The following SUCLG2 variants were observed in gnomAD, a reference collection of about 807,000 sequenced individuals.
The protein encoded by SUCLG2 is succinate-CoA ligase GDP-forming subunit beta.
In SUCLG2, 42 loss-of-function variants were observed where a neutral mutation model predicts 47.9. The observed-to-expected ratio is 0.88, with a 90% CI of 0.69 to 1.14. The LOEUF is 1.14. SUCLG2 is among the 50% of genes most tolerant of loss of function. The pLI is 0.00. For missense variants in SUCLG2, 571 were observed against 525.9 expected, an observed-to-expected ratio of 1.09 and a Z score of -0.84; for synonymous variants, 195 against 197.3, an observed-to-expected ratio of 0.99 and a Z score of 0.10.
chr3:67,532,791 C>A (rs1040353777), intron 2 of SUCLG2, among the ~76,000 whole-genome samples: 1 of 152,102 alleles, frequency 6.6e-6, no homozygotes, highest in Non-Finnish European at 1.5e-5. Flanking sequence ...CTAAGCAAAA[C>A]CTTACTCTGT....
intron 10 of SUCLG2, among the ~76,000 whole-genome samples, chr3:67,363,544 T>A (rs1309016672): frequency 6.6e-6 from 1 of 152,088 alleles, no homozygotes; most frequent in African/African-American, 2.4e-5. Context: ...CATAGTGCAA[T>A]CTTAAATAAT....
chr3:67,565,031 G>A (rs1480800984), intron 2 of SUCLG2, among the ~76,000 whole-genome samples: 1 of 150,756 alleles, frequency 6.6e-6, no homozygotes, highest in South Asian at 2.1e-4. Flanking sequence ...TGTAGCATTT[G>A]AAATTAAAGT....
At chr3:67,365,005 C>T (rs1448017711) in intron 10 of SUCLG2, among the ~76,000 whole-genome samples, 1 of 152,042 alleles carries the variant, frequency 6.6e-6, no homozygotes, top group Non-Finnish European at 1.5e-5. Flanking sequence ...AAAAATACAG[C>T]AACCAAAATA....
At chr3:67,389,533 G>A (rs1015386044) in intron 10 of SUCLG2, among the ~76,000 whole-genome samples, 1 of 152,120 alleles carries the variant, frequency 6.6e-6, no homozygotes, top group Non-Finnish European at 1.5e-5. Flanking sequence ...TACTTCCAGT[G>A]GAGAAAAAGT....
chr3:67,493,524 C>G (rs1312089017), intron 9 of SUCLG2, among the ~76,000 whole-genome samples: 1 of 152,114 alleles, frequency 6.6e-6, no homozygotes, highest in Non-Finnish European at 1.5e-5. Context: ...CACTATCCCT[C>G]CCCATCCTAC....
chr3:67,503,568 C>G (rs563649366), intron 7 of SUCLG2, among the ~76,000 whole-genome samples: 1 of 152,304 alleles, frequency 6.6e-6, no homozygotes, highest in African/African-American at 2.4e-5. Flanking sequence ...ATACAAAATG[C>G]ATTTTCAGAG....
intron 9 of SUCLG2, among the ~76,000 whole-genome samples, chr3:67,437,431 G>T (rs376792942): frequency 1.3e-5 from 2 of 152,242 alleles, no homozygotes; most frequent in African/African-American, 4.8e-5. Context: ...AAGGCTAAAT[G>T]ATACGATAGC....
chr3:67,604,819 A>G (rs1390670485), intron 2 of SUCLG2, among the ~76,000 whole-genome samples: 1 of 152,254 alleles, frequency 6.6e-6, no homozygotes, highest in African/African-American at 2.4e-5. Flanking sequence ...GAAATCACAG[A>G]TATGATTAAT....
At chr3:67,413,837 T>C (rs1266150398) in intron 9 of SUCLG2, among the ~76,000 whole-genome samples, 1 of 152,206 alleles carries the variant, frequency 6.6e-6, no homozygotes. Flanking sequence ...TCCTTTATTC[T>C]CTGAAATGTC....
At chr3:67,568,701 C>G (rs1247894899) in intron 2 of SUCLG2, among the ~76,000 whole-genome samples, 1 of 152,106 alleles carries the variant, frequency 6.6e-6, no homozygotes, top group Non-Finnish European at 1.5e-5. Flanking sequence ...TCCTGGCTAA[C>G]ACGGTGAAGC....
At position 67,443,342 on chromosome 3, in the gene SUCLG2, G is replaced by A. The variant is rs1449219623; in HGVS notation, c.1063-42491C>T. Reference sequence around the variant, plus strand: ...CGGAGCTGTCTCAGTCTTTGCCGCCGCGCCGGCGAGCGCCCCTCGGGAGGC... The same window carrying A: ...CGGAGCTGTCTCAGTCTTTGCCGCCACGCCGGCGAGCGCCCCTCGGGAGGC... On this transcript the variant is annotated intron_variant, in intron 9 of 10. Coordinates refer to ENST00000307227, the MANE Select transcript of SUCLG2 (RefSeq NM_003848.4). 2.5e-4 allele frequency among the ~76,000 whole-genome samples: 7 copies of A among 27,516 alleles called. 2 individuals are homozygous for A. The highest frequency in any genetic ancestry group is 1.8e-3 in the Admixed American group (4 of 2,176). The allele number at this position is 27,516 out of a possible 152,430, so 18.1% of individuals were successfully genotyped here. A position where few individuals can be genotyped will look rare whatever the true frequency, so the allele number is the denominator to read the frequency against.
intron 6 of SUCLG2, chr3:67,514,288 G>A (rs1255069138): frequency 9.5e-6 from 4 of 422,280 alleles, no homozygotes; most frequent in Non-Finnish European, 1.9e-5. Context: ...TATCCAGGAA[G>A]GAAAATTGGA....
chr3:67,500,503 G>A (rs1428926325), intron 7 of SUCLG2, among the ~76,000 whole-genome samples: 2 of 137,210 alleles, frequency 1.5e-5, no homozygotes, highest in East Asian at 4.9e-4. Flanking sequence ...GTGAATGGTT[G>A]GAGTGAATGA....
chr3:67,654,387 G>C (rs1701346854), intron 1 of SUCLG2, 116 bp downstream of exon 1: 1 of 852,792 alleles, frequency 1.2e-6, no homozygotes, highest in South Asian at 6.0e-5. Flanking sequence ...CCCGAAGTGG[G>C]GCGCCCGAGG....
At chr3:67,556,924 C>G (rs1707177864) in intron 2 of SUCLG2, among the ~76,000 whole-genome samples, 1 of 152,152 alleles carries the variant, frequency 6.6e-6, no homozygotes, top group Non-Finnish European at 1.5e-5. Context: ...AACTGGAGAA[C>G]AGGCAACATG....
At chr3:67,389,872 T>G (rs1702342532) in intron 10 of SUCLG2, among the ~76,000 whole-genome samples, 1 of 152,184 alleles carries the variant, frequency 6.6e-6, no homozygotes, top group Non-Finnish European at 1.5e-5. Flanking sequence ...TCTTTATTCA[T>G]ATCAATATTA....
chr3:67,476,300 C>CCTGAATT (rs1328751341), intron 9 of SUCLG2, among the ~76,000 whole-genome samples: 2 of 151,996 alleles, frequency 1.3e-5, no homozygotes, highest in African/African-American at 4.8e-5. Flanking sequence ...CGCATTACCA[C>CCTGAATT]CTGAATTCTG....
At chr3:67,448,906 A>G (rs917940225) in intron 9 of SUCLG2, among the ~76,000 whole-genome samples, 2 of 152,054 alleles carry the variant, frequency 1.3e-5, no homozygotes. Flanking sequence ...TCTGGTAGTG[A>G]AAAAAAACTT....
chr3:67,394,048 T>G (rs1702463027), intron 10 of SUCLG2, among the ~76,000 whole-genome samples: 1 of 151,768 alleles, frequency 6.6e-6, no homozygotes, highest in South Asian at 2.1e-4. Context: ...AGACAAAAAG[T>G]AGATAAAACC....
Sources: allele counts gnomAD v4.1 joint callset (sites outside exome capture counted in the v4.1 genomes callset), GRCh38; gene constraint gnomAD v4.1.1; transcripts MANE v1.5; gene names NCBI Gene and HGNC (gene_info 2026-07-23, HGNC 2026-07-21).